The following THUMPD2 variants were observed in gnomAD, a reference collection of about 807,000 sequenced individuals.
THUMPD2 encodes the protein U6 snRNA (guanine-N(2))-methyltransferase THUMPD2.
A neutral mutation model predicts 49.4 loss-of-function variants in THUMPD2; 56 were observed. The ratio of observed to expected loss-of-function variants is 1.13; its 90% CI spans 0.91 to 1.41. The LOEUF (loss-of-function observed/expected upper bound fraction) is 1.41, where lower values mean the gene tolerates loss of function less well. Ranked by LOEUF, THUMPD2 falls within the 40% of genes most tolerant of loss-of-function variation. THUMPD2 has a pLI of 0.00. For missense variants in THUMPD2, 709 were observed against 594.5 expected (o/e 1.19, Z -2.00); for synonymous variants, 237 against 205.2 (o/e 1.15, Z -1.32).
chr2:39,747,025 C>G (rs867013553), intron 8 of THUMPD2, among the ~76,000 whole-genome samples: 11 of 152,278 alleles, frequency 7.2e-5, no homozygotes, highest in Non-Finnish European at 1.5e-4. Context: ...CTCCATTTCT[C>G]AGCCAATTAA....
intron 6 of THUMPD2, 45 bp from the exon 7 acceptor site, chr2:39,756,005 T>C (rs373673811): frequency 4.6e-6 from 7 of 1,537,828 alleles, no homozygotes; most frequent in Non-Finnish European, 6.3e-6. Flanking sequence ...ACTACCATAG[T>C]ACGTACTATA....
chr2:39,737,727 T>C (rs1379023884), intron 9 of THUMPD2, among the ~76,000 whole-genome samples: 2 of 152,108 alleles, frequency 1.3e-5, no homozygotes, highest in Non-Finnish European at 2.9e-5. Context: ...GAGGAGAGAA[T>C]TTCCCAGAGG....
intron 6 of THUMPD2, chr2:39,757,418 G>A: frequency 7.7e-7 from 1 of 1,302,106 alleles, no homozygotes; most frequent in Non-Finnish European, 1.0e-6. Context: ...CCTTCCCCTG[G>A]TACTAAATTT....
At chr2:39,766,036 C>T in intron 5 of THUMPD2, 21 bp downstream of exon 5, 10 of 1,564,704 alleles carry the variant, frequency 6.4e-6, no homozygotes, top group Non-Finnish European at 7.8e-6. Flanking sequence ...ATGGGACAAA[C>T]CGGAAGCTTA....
chr2:39,747,688 T>C (rs1674798778), intron 8 of THUMPD2, among the ~76,000 whole-genome samples: 1 of 152,158 alleles, frequency 6.6e-6, no homozygotes, highest in Non-Finnish European at 1.5e-5. Flanking sequence ...ATAATTTGCC[T>C]ACAGTGCTAA....
At chr2:39,743,132 G>C (rs1478168813) in intron 9 of THUMPD2, among the ~76,000 whole-genome samples, 1 of 152,140 alleles carries the variant, frequency 6.6e-6, no homozygotes, top group Non-Finnish European at 1.5e-5. Context: ...TGTTAGACTT[G>C]ACCCTGATTT....
At chr2:39,768,942 G>C (rs757203378) in intron 3 of THUMPD2, 6 of 1,303,986 alleles carry the variant, frequency 4.6e-6, no homozygotes, top group Non-Finnish European at 6.1e-6. Context: ...AAAGTATTCA[G>C]ACCAATGGCC....
chr2:39,769,521 G>T (rs1226292391), intron 3 of THUMPD2, 189 bp downstream of exon 3: 2 of 498,070 alleles, frequency 4.0e-6, no homozygotes, highest in Non-Finnish European at 3.3e-6. Flanking sequence ...GACCAATATG[G>T]TGAAACCCTG....
Position 39,737,066 on chromosome 2 carries a change from CA to C in THUMPD2, c.1188-8del, listed in dbSNP as rs551659559. On this transcript the variant is annotated splice_polypyrimidine_tract_variant and splice_region_variant and intron_variant, in intron 9 of 9. Transcript: ENST00000505747. ...TCCGCCAACATGAAGCACTCTGTGACAAAAAAAAAATGGTAATTGCTATCTT... is the reference window on the plus strand; with the variant it reads ...TCCGCCAACATGAAGCACTCTGTGACAAAAAAAAATGGTAATTGCTATCTT... The C allele has an allele frequency of 2.9e-3, 3,876 of 1,331,718 alleles. 1 individual carries two copies. The highest frequency in any genetic ancestry group is 6.4e-3 in the South Asian group (423 of 65,756). 82.5% of individuals were successfully genotyped at this position (1,331,718 alleles called of 1,614,324 possible).
intron 1 of THUMPD2, among the ~76,000 whole-genome samples, chr2:39,773,486 C>G (rs1678610696): frequency 6.8e-6 from 1 of 148,136 alleles, no homozygotes; most frequent in Admixed American, 6.8e-5. Context: ...ATTCAAACAT[C>G]AAGGGAAGCA....
chr2:39,751,879 G>A (rs1005818521), intron 8 of THUMPD2, among the ~76,000 whole-genome samples: 2 of 151,858 alleles, frequency 1.3e-5, no homozygotes, highest in Non-Finnish European at 2.9e-5. Flanking sequence ...TAGAGACAGG[G>A]TTTCACCATG....
chr2:39,756,573 T>C (rs1328937870), intron 6 of THUMPD2, among the ~76,000 whole-genome samples: 1 of 151,330 alleles, frequency 6.6e-6, no homozygotes, highest in Non-Finnish European at 1.5e-5. Context: ...GGAACACGGG[T>C]CTGGTCAAAT....
At chr2:39,739,394 C>T (rs1171958435) in intron 9 of THUMPD2, among the ~76,000 whole-genome samples, 3 of 152,296 alleles carry the variant, frequency 2.0e-5, no homozygotes, top group East Asian at 1.9e-4. Flanking sequence ...TTATCACTCA[C>T]GCCCCACAGT....
At chr2:39,771,708 G>T in intron 1 of THUMPD2, 68 bp from the exon 2 acceptor site, 1 of 1,451,374 alleles carries the variant, frequency 6.9e-7, no homozygotes, top group African/African-American at 1.4e-5. Flanking sequence ...TTTCCCTCAA[G>T]ATATAGCATC....
intron 8 of THUMPD2, among the ~76,000 whole-genome samples, chr2:39,749,359 T>C (rs550615882): frequency 2.6e-4 from 40 of 152,328 alleles, no homozygotes; most frequent in African/African-American, 8.9e-4. Context: ...ACTGGCAACA[T>C]TTAACTATCT....
intron 8 of THUMPD2, among the ~76,000 whole-genome samples, chr2:39,748,529 C>T (rs1200314121): frequency 6.6e-6 from 1 of 151,846 alleles, no homozygotes; most frequent in African/African-American, 2.4e-5. Context: ...GGTGAAACCC[C>T]ATACAAAAAT....
At chr2:39,740,843 C>A (rs1673796261) in intron 9 of THUMPD2, among the ~76,000 whole-genome samples, 2 of 151,946 alleles carry the variant, frequency 1.3e-5, no homozygotes, top group Admixed American at 1.3e-4. Flanking sequence ...AGTAGTGGGA[C>A]TGAAGGTGCA....
intron 5 of THUMPD2, among the ~76,000 whole-genome samples, chr2:39,763,050 A>G (rs980842970): frequency 1.3e-5 from 2 of 152,104 alleles, no homozygotes; most frequent in African/African-American, 4.8e-5. Flanking sequence ...TATTCAGAAG[A>G]AGGCACGTTC....
intron 8 of THUMPD2, among the ~76,000 whole-genome samples, chr2:39,753,976 T>G (rs1272215597): frequency 1.3e-5 from 2 of 151,902 alleles, no homozygotes; most frequent in East Asian, 3.9e-4. Flanking sequence ...ACACAAACAG[T>G]GGAGCACTTC....
Sources: allele counts gnomAD v4.1 joint callset (sites outside exome capture counted in the v4.1 genomes callset), GRCh38; gene constraint gnomAD v4.1.1; transcripts MANE v1.5; gene names NCBI Gene and HGNC (gene_info 2026-07-23, HGNC 2026-07-21).